SESN3: variants seen among roughly 807,000 people sequenced by gnomAD.
SESN3 encodes the protein sestrin 3, also known as sestrin-3.
Under a neutral mutation model 55.3 loss-of-function variants are expected in SESN3, and 21 were observed. The observed-to-expected ratio is 0.38, with a 90% CI of 0.27 to 0.55. SESN3 has a LOEUF of 0.55. Among genes scored for constraint, SESN3 ranks in the 20% least tolerant of loss-of-function variants. The pLI is 0.76. For missense variants in SESN3, 408 were observed against 604.3 expected, an observed-to-expected ratio of 0.68 and a Z score of 3.41; for synonymous variants, 181 against 203.1, an observed-to-expected ratio of 0.89 and a Z score of 0.93.
chr11:95,206,703 T>C (rs893047538), intron 1 of SESN3, among the ~76,000 whole-genome samples: 16 of 152,178 alleles, frequency 1.1e-4, no homozygotes, highest in African/African-American at 3.9e-4. Flanking sequence ...GGATTTGTTA[T>C]CCTTAGCCTG....
In SESN3 at chr11:95,171,997, C is replaced by T. The variant is rs1183835088; in HGVS notation, c.*1258G>A. On this transcript the variant is annotated 3_prime_UTR_variant, in exon 10 of 10. Coordinates refer to ENST00000536441, the MANE Select transcript of SESN3 (RefSeq NM_144665.4). Reference sequence around the variant, plus strand: ...TTTTCTGGGGAAGGGAATGCTTTGGCATTATGAAAGGAACATTGTTCAATC... The same window carrying T: ...TTTTCTGGGGAAGGGAATGCTTTGGTATTATGAAAGGAACATTGTTCAATC... 6.6e-6 allele frequency: 1 copy of T among 151,906 alleles called. No individual in the cohort carries two copies. The highest frequency in any genetic ancestry group is 6.6e-5 in the Admixed American group (1 of 15,252). 9.4% of individuals were successfully genotyped at this position (151,906 alleles called of 1,614,324 possible). A position where few individuals can be genotyped will look rare whatever the true frequency, so the allele number is the denominator to read the frequency against.
intron 7 of SESN3, among the ~76,000 whole-genome samples, 183 bp downstream of exon 7, chr11:95,178,527 G>A (rs966043691): frequency 3.6e-4 from 55 of 152,184 alleles, no homozygotes; most frequent in African/African-American, 1.1e-3. Context: ...TTCTTAGGGA[G>A]AAAAATGTTG....
At chr11:95,186,208 G>GTGTGTGTGTGTGTGTGTGTGTGTA (rs1860162314) in intron 4 of SESN3, among the ~76,000 whole-genome samples, 1 of 146,276 alleles carries the variant, frequency 6.8e-6, no homozygotes, top group African/African-American at 2.5e-5. Context: ...GTGTGTGTGT[G>GTGTGTGTGTGTGTGTGTGTGTGTA]TGTGTGTGTG....
chr11:95,187,237 T>C lies in SESN3; in HGVS notation c.526-1745A>G, dbSNP rs141713404. On this transcript the variant is annotated intron_variant, in intron 4 of 9. Coordinates refer to ENST00000536441, the MANE Select transcript of SESN3 (RefSeq NM_144665.4). ...TTTAGAAACATTTCCTAATAGGATT[T>C]TTAGAACAAAGTGTATTAATATTTT... 3.9e-3 allele frequency among the ~76,000 whole-genome samples: 599 copies of C among 152,068 alleles called. 6 individuals carry two copies. The highest frequency in any genetic ancestry group is 4.9e-3 in the Non-Finnish European group (332 of 67,880).
intron 1 of SESN3, among the ~76,000 whole-genome samples, chr11:95,219,259 A>G (rs1387899193): frequency 6.6e-6 from 1 of 152,224 alleles, no homozygotes; most frequent in Non-Finnish European, 1.5e-5. Context: ...TAATTTGAAC[A>G]TTACATGGAA....
chr11:95,184,153 T>C (rs1207976595), intron 6 of SESN3: 5 of 439,034 alleles, frequency 1.1e-5, no homozygotes, highest in African/African-American at 2.0e-5. Flanking sequence ...TCTAACTTTA[T>C]AAGTAACTGA....
intron 1 of SESN3, among the ~76,000 whole-genome samples, chr11:95,212,675 TC>T (rs1860679564): frequency 6.6e-6 from 1 of 152,178 alleles, no homozygotes; most frequent in Non-Finnish European, 1.5e-5. Flanking sequence ...CACATCAGAT[TC>T]CTAAAGAGAA....
At position 95,231,193 on chromosome 11, in the gene SESN3, G is replaced by A; in HGVS notation, c.-333C>T. 3.0e-6 allele frequency: 1 copy of A among 328,644 alleles called. No individual in the cohort carries two copies. The highest frequency in any genetic ancestry group is 5.1e-5 in the Admixed American group (1 of 19,544). 20.4% of individuals were successfully genotyped at this position (328,644 alleles called of 1,614,324 possible). On this transcript the variant is annotated 5_prime_UTR_variant, in exon 1 of 10. Transcript: ENST00000536441. Reference sequence around the variant, plus strand: ...CCACCGCCACCACCGCCGCCGCAGCGCCTCAGTGCGGCCCCGCCTCCGCCG... The same window carrying A: ...CCACCGCCACCACCGCCGCCGCAGCACCTCAGTGCGGCCCCGCCTCCGCCG...
intron 1 of SESN3, among the ~76,000 whole-genome samples, chr11:95,210,017 CAAAAAAAAAAAAAAA>C (rs71036380): frequency 1.3e-4 from 8 of 60,188 alleles, no homozygotes; most frequent in African/African-American, 6.0e-4. Flanking sequence ...AACTCCATCT[CAAAAAAAAAAAAAAA>C]AAAAAAAAAG....
chr11:95,206,471 A>G (rs1860549327), intron 1 of SESN3, among the ~76,000 whole-genome samples: 1 of 152,010 alleles, frequency 6.6e-6, no homozygotes, highest in Admixed American at 6.6e-5. Context: ...TTTGGCAAGA[A>G]AATTCTCAGA....
intron 1 of SESN3, among the ~76,000 whole-genome samples, chr11:95,226,396 A>G (rs1860948956): frequency 6.6e-6 from 1 of 152,218 alleles, no homozygotes; most frequent in African/African-American, 2.4e-5. Flanking sequence ...CAGTATCACT[A>G]CATTAGTAGT....
chr11:95,185,124 G>C lies in SESN3; in HGVS notation c.762+132C>G, dbSNP rs563312521. On this transcript the variant is annotated intron_variant, in intron 5 of 9. Transcript: ENST00000536441. Reference sequence around the variant, plus strand: ...GAACTTCAGGTACCAAATTTTTACAGTAATAAAAATTATGCAAAAATATTT... The same window carrying C: ...GAACTTCAGGTACCAAATTTTTACACTAATAAAAATTATGCAAAAATATTT... 128 of 589,794 alleles carry C rather than the reference G, an allele frequency of 2.2e-4. 1 individual carries two copies. Among genetic ancestry groups the C allele is most frequent in the Middle Eastern group, 1.9e-3 (4 of 2,108 alleles). 36.5% of individuals were successfully genotyped at this position (589,794 alleles called of 1,614,324 possible).
intron 4 of SESN3, 51 bp from the exon 5 acceptor site, chr11:95,185,543 A>G (rs1295847247): frequency 8.6e-7 from 1 of 1,164,806 alleles, no homozygotes; most frequent in Middle Eastern, 2.0e-4. Context: ...AGAATGCTAC[A>G]AAGAAATTTC....
Position 95,172,731 on chromosome 11 carries a change from G to A in SESN3, c.*524C>T, listed in dbSNP as rs1277020154. 1 of 152,200 alleles carries A rather than the reference G, an allele frequency of 6.6e-6. No individual in the cohort carries two copies. The highest frequency in any genetic ancestry group is 1.5e-5 in the Non-Finnish European group (1 of 68,082). 9.4% of individuals were successfully genotyped at this position (152,200 alleles called of 1,614,324 possible). On this transcript the variant is annotated 3_prime_UTR_variant, in exon 10 of 10. Transcript: ENST00000536441. ...AATAATCTCCTGGGGACACAAATATGTGTCCAGTGAGCAGCTTGGTTCAAC... is the reference window on the plus strand; with the variant it reads ...AATAATCTCCTGGGGACACAAATATATGTCCAGTGAGCAGCTTGGTTCAAC...
chr11:95,169,826 T>TA lies in SESN3; in HGVS notation c.*3428dup, dbSNP rs1396593996. On this transcript the variant is annotated 3_prime_UTR_variant, in exon 10 of 10. Transcript: ENST00000536441. ...AAAGGAAAAAGTTGCTCTGGAATAA[T>TA]AATTAGCTTTTAGAAGCATTTAAGA... 1.3e-5 allele frequency: 2 copies of TA among 152,196 alleles called. No homozygotes were observed. The highest frequency in any genetic ancestry group is 4.8e-5 in the African/African-American group (2 of 41,466). 9.4% of individuals were successfully genotyped at this position (152,196 alleles called of 1,614,324 possible). A position where few individuals can be genotyped will look rare whatever the true frequency, so the allele number is the denominator to read the frequency against.
At chr11:95,227,016 C>T (rs1860958384) in intron 1 of SESN3, among the ~76,000 whole-genome samples, 1 of 152,062 alleles carries the variant, frequency 6.6e-6, no homozygotes, top group Non-Finnish European at 1.5e-5. Context: ...CTGCCTTTGA[C>T]AATCAAAAAT....
chr11:95,232,305 C>T, upstream of SESN3: 1 of 152,374 alleles, frequency 6.6e-6, no homozygotes, highest in Non-Finnish European at 1.5e-5. Flanking sequence ...GCTAGCAATG[C>T]GCGTCCGAGT....
chr11:95,226,874 C>G (rs1312389721), intron 1 of SESN3, among the ~76,000 whole-genome samples: 1 of 152,184 alleles, frequency 6.6e-6, no homozygotes. Flanking sequence ...TAATGCAACT[C>G]AAGCATTTTA....
intron 1 of SESN3, among the ~76,000 whole-genome samples, chr11:95,221,669 A>G (rs1860861645): frequency 6.6e-6 from 1 of 152,234 alleles, no homozygotes; most frequent in South Asian, 2.1e-4. Context: ...ATATTTATTC[A>G]CATATGATAT....
Sources: allele counts gnomAD v4.1 joint callset (sites outside exome capture counted in the v4.1 genomes callset), GRCh38; gene constraint gnomAD v4.1.1; transcripts MANE v1.5; gene names NCBI Gene and HGNC (gene_info 2026-07-23, HGNC 2026-07-21).